Variants in TBC1D22A observed in about 807,000 individuals in gnomAD.
TBC1D22A encodes the protein putative GTPase activator.
In TBC1D22A, 38 loss-of-function variants were observed where a neutral mutation model predicts 60.2. That is an observed-to-expected ratio of 0.63 (90% CI 0.49 to 0.83). TBC1D22A has a LOEUF of 0.83. TBC1D22A is among the 40% of genes least tolerant of loss of function. TBC1D22A has a pLI of 0.00. For missense variants in TBC1D22A, 628 were observed against 701.0 expected (o/e 0.90, Z 1.18); for synonymous variants, 302 against 281.7 (o/e 1.07, Z -0.72).
chr22:46,854,471 G>A (rs1347814869), intron 4 of TBC1D22A, among the ~76,000 whole-genome samples: 1 of 151,902 alleles, frequency 6.6e-6, no homozygotes, highest in Non-Finnish European at 1.5e-5. Context: ...TCCTACCCAG[G>A]GTAATGTTTG....
Position 46,793,584 on chromosome 22 carries a change from C to A in TBC1D22A, c.203C>A (p.Thr68Asn). ...VSTFQEFESN[T>N]SDAWDAGEDD... ...ACCTTCCAGGAGTTTGAGAGCAATA[C>A]CAGCGATGCCTGGGACGCTGGGGAG... Residue 68 changes from threonine to asparagine, a missense_variant, in exon 3 of 13, where the codon ACC (threonine) becomes AAC (asparagine). Physicochemically the swap from Thr to Asn is moderately conservative, Grantham distance 65. Transcript: ENST00000337137. 6.2e-7 allele frequency: 1 copy of A among 1,614,080 alleles called. No homozygotes were observed. The highest frequency in any genetic ancestry group is 8.5e-7 in the Non-Finnish European group (1 of 1,180,048).
chr22:46,864,494 C>A (rs1410403294), intron 4 of TBC1D22A, among the ~76,000 whole-genome samples: 6 of 152,216 alleles, frequency 3.9e-5, no homozygotes, highest in African/African-American at 1.4e-4. Flanking sequence ...AGGAAAAGAA[C>A]AAACTTATTT....
At chr22:46,871,884 G>GT (rs1158519499) in intron 4 of TBC1D22A, among the ~76,000 whole-genome samples, 2 of 152,030 alleles carry the variant, frequency 1.3e-5, no homozygotes, top group Non-Finnish European at 2.9e-5. Context: ...AAAATATAAA[G>GT]TTTTTTTGAA....
chr22:47,151,686 C>CT (rs1289134593), intron 12 of TBC1D22A, among the ~76,000 whole-genome samples: 7 of 152,292 alleles, frequency 4.6e-5, no homozygotes, highest in African/African-American at 1.7e-4. Flanking sequence ...GTCATTTCCC[C>CT]TGAAGCTCTT....
At chr22:47,002,452 T>C (rs1426011728) in intron 10 of TBC1D22A, among the ~76,000 whole-genome samples, 4 of 152,246 alleles carry the variant, frequency 2.6e-5, no homozygotes. Context: ...CATGCATCTT[T>C]TGTGACATAG....
At chr22:46,973,676 C>T (rs1159689175) in intron 8 of TBC1D22A, among the ~76,000 whole-genome samples, 1 of 152,166 alleles carries the variant, frequency 6.6e-6, no homozygotes, top group Non-Finnish European at 1.5e-5. Context: ...ATCTGATAAG[C>T]CATTTCAATT....
At chr22:46,773,353 G>A (rs893075481) in intron 1 of TBC1D22A, among the ~76,000 whole-genome samples, 2 of 152,256 alleles carry the variant, frequency 1.3e-5, no homozygotes, top group African/African-American at 4.8e-5. Context: ...TGTGTGCGGA[G>A]CAGGCTCAGA....
intron 12 of TBC1D22A, among the ~76,000 whole-genome samples, chr22:47,125,569 AATG>A (rs2066423517): frequency 6.6e-6 from 1 of 152,210 alleles, no homozygotes; most frequent in Admixed American, 6.5e-5. Context: ...TCCTGGAGGA[AATG>A]ATGAAAGGTT....
At chr22:46,918,498 G>C (rs114659447) in intron 8 of TBC1D22A, among the ~76,000 whole-genome samples, 1,685 of 152,300 alleles carry the variant, frequency 0.011, 40 homozygotes, top group African/African-American at 0.039. Context: ...CCGGGGAGAG[G>C]TATGGTGGTG....
intron 10 of TBC1D22A, among the ~76,000 whole-genome samples, chr22:47,027,489 C>T (rs1025165020): frequency 6.6e-6 from 1 of 152,166 alleles, no homozygotes; most frequent in Non-Finnish European, 1.5e-5. Flanking sequence ...CCCCTTCCCA[C>T]CCTTTTCCCC....
chr22:47,031,552 G>C (rs904470898), intron 10 of TBC1D22A, among the ~76,000 whole-genome samples: 1 of 152,270 alleles, frequency 6.6e-6, no homozygotes, highest in Non-Finnish European at 1.5e-5. Context: ...GCCCTGAGGA[G>C]GGTGGGTGGC....
In TBC1D22A at chr22:46,982,515, C is replaced by T. The variant is rs186559089; in HGVS notation, c.1125+8116C>T. On this transcript the variant is annotated intron_variant, in intron 9 of 12. Coordinates refer to ENST00000337137, the MANE Select transcript of TBC1D22A (RefSeq NM_014346.5). ...GGGATTACAGGCGTGAGCCACTGCG[C>T]CCGGCCAAGAGACAGTCTTTTTAGT... Among the ~76,000 whole-genome samples the T allele has an allele frequency of 2.7e-3, 415 of 152,292 alleles. 1 individual carries two copies. The highest frequency in any genetic ancestry group is 9.3e-3 in the African/African-American group (387 of 41,560).
intron 7 of TBC1D22A, 86 bp downstream of exon 7, chr22:46,894,932 G>C: frequency 6.7e-7 from 1 of 1,486,092 alleles, no homozygotes; most frequent in Non-Finnish European, 9.4e-7. Flanking sequence ...GCAGCCGGAG[G>C]TGCTTCACCC....
intron 1 of TBC1D22A, among the ~76,000 whole-genome samples, chr22:46,769,498 A>C (rs2083414040): frequency 6.6e-6 from 1 of 152,244 alleles, no homozygotes; most frequent in African/African-American, 2.4e-5. Context: ...GCAGAGTAGC[A>C]AGGCCCTCAC....
chr22:47,072,688 G>T (rs944322739), intron 11 of TBC1D22A, among the ~76,000 whole-genome samples: 6 of 152,266 alleles, frequency 3.9e-5, no homozygotes, highest in African/African-American at 1.4e-4. Flanking sequence ...AGCTGGATAG[G>T]TATGTGGTGA....
At chr22:47,150,175 A>G (rs775860630) in intron 12 of TBC1D22A, among the ~76,000 whole-genome samples, 43 of 152,276 alleles carry the variant, frequency 2.8e-4, no homozygotes, top group Non-Finnish European at 4.9e-4. Context: ...TCACTGGTGC[A>G]CTGTAAACGC....
intron 11 of TBC1D22A, among the ~76,000 whole-genome samples, chr22:47,043,380 T>C (rs140538): frequency 0.64 from 97,702 of 152,024 alleles, 32,390 homozygotes; most frequent in East Asian, 0.92. Flanking sequence ...GATGCGGCTG[T>C]CCCCGGGCTT....
At chr22:46,982,701 A>G (rs2148170196) in intron 9 of TBC1D22A, among the ~76,000 whole-genome samples, 1 of 152,278 alleles carries the variant, frequency 6.6e-6, no homozygotes, top group African/African-American at 2.4e-5. Flanking sequence ...GCCCTGAGGG[A>G]CGTCTAAGCT....
At chr22:46,882,488 G>A (rs1233007258) in intron 5 of TBC1D22A, among the ~76,000 whole-genome samples, 1 of 152,190 alleles carries the variant, frequency 6.6e-6, no homozygotes, top group Admixed American at 6.5e-5. Flanking sequence ...CAACTGGGAA[G>A]CAGGTCATTG....
Sources: gnomAD v4.1 joint callset for allele counts (sites outside exome capture counted in the v4.1 genomes callset) on GRCh38, gnomAD v4.1.1 for gene constraint, MANE v1.5 for transcripts, NCBI Gene and HGNC (gene_info 2026-07-23, HGNC 2026-07-21) for gene names.